Variants in YPEL2 observed in about 807,000 individuals in gnomAD.
YPEL2 encodes the protein yippee like 2, also known as protein yippee-like 2.
Under a neutral mutation model 19.1 loss-of-function variants are expected in YPEL2, and 2 were observed. That is an observed-to-expected ratio of 0.10 (90% CI 0.04 to 0.33). The LOEUF (loss-of-function observed/expected upper bound fraction) is 0.33. Ranked by LOEUF, YPEL2 falls within the 10% of genes least tolerant of loss-of-function variation. The pLI is 1.00. For missense variants in YPEL2, 66 were observed against 140.7 expected, an observed-to-expected ratio of 0.47 and a Z score of 2.68; for synonymous variants, 52 against 50.0, an observed-to-expected ratio of 1.04 and a Z score of -0.17.
chr17:59,390,770 A>G (rs2048003669), intron 4 of YPEL2, among the ~76,000 whole-genome samples: 1 of 152,142 alleles, frequency 6.6e-6, no homozygotes. Context: ...AACCATAGAC[A>G]CTGCCCCTAC....
chr17:59,385,834 CAA>C (rs550921232), intron 2 of YPEL2, among the ~76,000 whole-genome samples: 2 of 151,564 alleles, frequency 1.3e-5, no homozygotes, highest in Non-Finnish European at 2.9e-5. Context: ...TTATAGAAAA[CAA>C]AAAAAACTAG....
At chr17:59,393,578 T>C (rs1390722683) in intron 4 of YPEL2, among the ~76,000 whole-genome samples, 2 of 147,722 alleles carry the variant, frequency 1.4e-5, no homozygotes, top group Non-Finnish European at 3.0e-5. Context: ...TTTGGCAGGG[T>C]CATAGGACAA....
At position 59,350,544 on chromosome 17, in the gene YPEL2, G is replaced by T. The variant is rs190343586; in HGVS notation, c.-195-2671G>T. ...TGCTTATATGGTAGATTTTTCTCTT[G>T]TCTTTTTAGGTTCAGAGCTGTGGTG... On this transcript the variant is annotated intron_variant, in intron 1 of 4. Coordinates refer to ENST00000312655, the MANE Select transcript of YPEL2 (RefSeq NM_001005404.4). Among the ~76,000 whole-genome samples the T allele has an allele frequency of 2.0e-5, 3 of 152,238 alleles. No individual in the cohort carries two copies. The East Asian group carries it at 5.8e-4, about 29-fold the overall frequency.
intron 4 of YPEL2, among the ~76,000 whole-genome samples, chr17:59,394,422 G>A (rs1182177984): frequency 2.7e-5 from 4 of 150,474 alleles, no homozygotes; most frequent in African/African-American, 9.8e-5. Context: ...ATGGGCGGCC[G>A]GGCAGAGACG....
intron 4 of YPEL2, among the ~76,000 whole-genome samples, chr17:59,395,170 A>G (rs956931266): frequency 6.6e-6 from 1 of 152,184 alleles, no homozygotes; most frequent in African/African-American, 2.4e-5. Flanking sequence ...GGAACAATGG[A>G]CCTTATTCCC....
intron 2 of YPEL2, among the ~76,000 whole-genome samples, chr17:59,377,202 A>G (rs946918794): frequency 1.3e-5 from 2 of 152,284 alleles, no homozygotes; most frequent in South Asian, 2.1e-4. Flanking sequence ...CAGGAATGCA[A>G]ATTGAAACAT....
intron 4 of YPEL2, 122 bp downstream of exon 4, chr17:59,389,590 C>T (rs1223811131): frequency 1.4e-6 from 1 of 711,420 alleles, no homozygotes; most frequent in East Asian, 2.7e-5. Context: ...CCAGAATAGT[C>T]ACCTGTCTAC....
At chr17:59,356,146 C>T (rs1181201789) in intron 2 of YPEL2, 1 of 152,096 alleles carries the variant, frequency 6.6e-6, no homozygotes, top group Non-Finnish European at 1.5e-5. Context: ...CTCCTGTTCT[C>T]CTCTCTTGAC....
intron 1 of YPEL2, among the ~76,000 whole-genome samples, chr17:59,346,030 GTC>G (rs2047754211): frequency 1.3e-5 from 2 of 152,206 alleles, no homozygotes; most frequent in African/African-American, 2.4e-5. Flanking sequence ...GCGGGCACAG[GTC>G]TCTCTGTGCT....
At position 59,400,999 on chromosome 17, in the gene YPEL2, AGATG is replaced by A. The variant is rs2048068340; in HGVS notation, c.*3812_*3815del. On this transcript the variant is annotated 3_prime_UTR_variant, in exon 5 of 5. Coordinates refer to ENST00000312655, the MANE Select transcript of YPEL2 (RefSeq NM_001005404.4). ...TGTAAAGGAGATGTGTTGTTTGTGA[AGATG>A]GAGCAGAGTCAAATCTGTGCTTCTA... is the stretch of plus-strand genomic sequence containing the variant. 2 of 152,606 alleles carry A rather than the reference AGATG, an allele frequency of 1.3e-5. No homozygotes were observed. The allele number at this position is 152,606 out of a possible 1,614,324, so 9.5% of individuals were successfully genotyped here. A position where few individuals can be genotyped will look rare whatever the true frequency, so the allele number is the denominator to read the frequency against.
chr17:59,390,467 C>G (rs1043828219), intron 4 of YPEL2, among the ~76,000 whole-genome samples: 11 of 152,214 alleles, frequency 7.2e-5, no homozygotes, highest in African/African-American at 2.7e-4. Context: ...TCTGAAGCCA[C>G]TGTACTTTGA....
intron 1 of YPEL2, among the ~76,000 whole-genome samples, chr17:59,341,653 C>T (rs963202034): frequency 2.2e-4 from 34 of 151,770 alleles, no homozygotes; most frequent in Non-Finnish European, 3.5e-4. Flanking sequence ...TGCGAAACAA[C>T]GTCTCAGGAA....
In YPEL2 at chr17:59,358,589, G is replaced by GT. The variant is rs796224293; in HGVS notation, c.117+5073dup. ...AGTTCCCACGGCTCATCAGTTTGTG[G>GT]TTTTTTTTTTGGTTGTTGTTTGTTT... On this transcript the variant is annotated intron_variant, in intron 2 of 4. Coordinates refer to ENST00000312655, the MANE Select transcript of YPEL2 (RefSeq NM_001005404.4). Among the ~76,000 whole-genome samples, 372 of 147,624 alleles carry GT rather than the reference G, an allele frequency of 2.5e-3. 2 individuals are homozygous for GT. Among genetic ancestry groups the GT allele is most frequent in the African/African-American group, 7.9e-3 (319 of 40,404 alleles).
chr17:59,351,006 T>G (rs1002440630), intron 1 of YPEL2, among the ~76,000 whole-genome samples: 1 of 152,168 alleles, frequency 6.6e-6, no homozygotes, highest in Non-Finnish European at 1.5e-5. Context: ...CTGTCTTTCC[T>G]ATTTCCTTAC....
At chr17:59,375,769 T>G (rs2047917440) in intron 2 of YPEL2, among the ~76,000 whole-genome samples, 1 of 152,248 alleles carries the variant, frequency 6.6e-6, no homozygotes, top group African/African-American at 2.4e-5. Flanking sequence ...GAATTAAATT[T>G]AGGCGATTGC....
Position 59,359,428 on chromosome 17 carries a change from A to AG in YPEL2, c.117+5902_117+5903insG, listed in dbSNP as rs577473246. Among the ~76,000 whole-genome samples the AG allele has an allele frequency of 3.7e-4, 56 of 152,274 alleles. No individual in the cohort carries two copies. In the East Asian group the frequency reaches 7.3e-3, roughly 20 times the overall value. On this transcript the variant is annotated intron_variant, in intron 2 of 4. Coordinates refer to ENST00000312655, the MANE Select transcript of YPEL2 (RefSeq NM_001005404.4). The stretch of plus-strand genomic sequence containing the variant: ...TAGTGTTGTTAGTGGCTACTGTGTC[A>AG]CATCAGACAGCATAATTCATAAAGG...
chr17:59,383,353 C>T (rs1359791050), intron 2 of YPEL2, among the ~76,000 whole-genome samples: 1 of 150,874 alleles, frequency 6.6e-6, no homozygotes, highest in Non-Finnish European at 1.5e-5. Flanking sequence ...AATCGCAGCA[C>T]TTTGGGAGGC....
chr17:59,346,120 C>T (rs2047754687), intron 1 of YPEL2, among the ~76,000 whole-genome samples: 1 of 152,172 alleles, frequency 6.6e-6, no homozygotes. Flanking sequence ...GGCCTTCTCA[C>T]AATTCCACCT....
chr17:59,357,991 TGTCAG>T (rs1159370161), intron 2 of YPEL2, among the ~76,000 whole-genome samples: 3 of 152,188 alleles, frequency 2.0e-5, no homozygotes, highest in Non-Finnish European at 4.4e-5. Flanking sequence ...GCTATTGTTA[TGTCAG>T]ATCTATAGGT....
Sources: allele counts gnomAD v4.1 joint callset (sites outside exome capture counted in the v4.1 genomes callset), GRCh38; gene constraint gnomAD v4.1.1; transcripts MANE v1.5; gene names NCBI Gene and HGNC (gene_info 2026-07-23, HGNC 2026-07-21).